EPB41L2: variants seen among roughly 807,000 people sequenced by gnomAD.
EPB41L2 encodes the protein band 4.1-like protein 2.
EPB41L2 carries 43 observed loss-of-function variants against 113.0 expected under a neutral mutation model. The ratio of observed to expected loss-of-function variants is 0.38; its 90% CI spans 0.30 to 0.49. The LOEUF (loss-of-function observed/expected upper bound fraction) is 0.49, where lower values mean the gene tolerates loss of function less well. EPB41L2 is among the 20% of genes least tolerant of loss of function. The pLI is 0.95. For synonymous variants in EPB41L2, 442 were observed against 436.7 expected (o/e 1.01, Z -0.15); for missense variants, 1,147 against 1,223.4 (o/e 0.94, Z 0.93).
chr6:131,003,621 G>C (rs893410134), intron 1 of EPB41L2, among the ~76,000 whole-genome samples: 1 of 152,096 alleles, frequency 6.6e-6, no homozygotes, highest in Non-Finnish European at 1.5e-5. Flanking sequence ...AACCTCTTGG[G>C]AGTGACTGAA....
intron 17 of EPB41L2, 91 bp from the exon 18 acceptor site, chr6:130,863,809 C>A: frequency 2.6e-6 from 2 of 778,162 alleles, no homozygotes. Context: ...TCCACCTAGA[C>A]CTGTGGATCA....
At chr6:131,023,036 TA>T (rs1205974134) in intron 1 of EPB41L2, among the ~76,000 whole-genome samples, 4 of 152,158 alleles carry the variant, frequency 2.6e-5, no homozygotes, top group African/African-American at 9.7e-5. Flanking sequence ...AATAAATTAG[TA>T]AAAAGTATTG....
chr6:130,958,471 A>AAAC (rs1562592343), intron 1 of EPB41L2, among the ~76,000 whole-genome samples: 1,452 of 90,316 alleles, frequency 0.016, 21 homozygotes, highest in African/African-American at 0.084. Context: ...ACAACAACAA[A>AAAC]AAAAAAAAAA....
chr6:130,887,304 C>A (rs1583085565), intron 11 of EPB41L2, among the ~76,000 whole-genome samples: 1 of 152,188 alleles, frequency 6.6e-6, no homozygotes, highest in East Asian at 1.9e-4. Context: ...GCTAATTGGC[C>A]TACTCCCACT....
chr6:130,872,567 G>A, intron 14 of EPB41L2: 2 of 1,283,226 alleles, frequency 1.6e-6, no homozygotes, highest in Non-Finnish European at 2.0e-6. Context: ...GAAGAGCAAA[G>A]AATTAGCAAT....
chr6:130,968,549 C>A (rs938972314), intron 1 of EPB41L2, among the ~76,000 whole-genome samples: 1 of 152,160 alleles, frequency 6.6e-6, no homozygotes, highest in African/African-American at 2.4e-5. Context: ...AATGACACTT[C>A]TAGCTTAAGC....
intron 1 of EPB41L2, among the ~76,000 whole-genome samples, chr6:131,038,849 T>C (rs761830373): frequency 6.6e-6 from 1 of 152,234 alleles, no homozygotes; most frequent in East Asian, 1.9e-4. Flanking sequence ...TGATAGTGAC[T>C]ACTGGGAGCA....
At chr6:130,879,992 T>C (rs957037282) in intron 13 of EPB41L2, 152 bp downstream of exon 13, 3 of 595,056 alleles carry the variant, frequency 5.0e-6, no homozygotes, top group South Asian at 4.4e-5. Context: ...AGGAACACCG[T>C]CAGGCTGGTA....
intron 2 of EPB41L2, 93 bp from the exon 3 acceptor site, chr6:130,955,410 C>A: frequency 8.2e-7 from 1 of 1,221,172 alleles, no homozygotes; most frequent in Non-Finnish European, 1.2e-6. Context: ...GAATTAGGAT[C>A]GTTACTTTAA....
At chr6:131,017,865 C>T (rs1788584847) in intron 1 of EPB41L2, among the ~76,000 whole-genome samples, 1 of 152,210 alleles carries the variant, frequency 6.6e-6, no homozygotes, top group Non-Finnish European at 1.5e-5. Context: ...TTTTAACTTA[C>T]ATTTGCCTAA....
intron 1 of EPB41L2, among the ~76,000 whole-genome samples, chr6:131,040,570 T>C (rs1166692133): frequency 6.6e-6 from 1 of 152,168 alleles, no homozygotes; most frequent in Non-Finnish European, 1.5e-5. Flanking sequence ...CAATGGATAC[T>C]AACACTATTA....
At chr6:131,038,212 G>A (rs1474055890) in intron 1 of EPB41L2, among the ~76,000 whole-genome samples, 1 of 151,990 alleles carries the variant, frequency 6.6e-6, no homozygotes, top group Non-Finnish European at 1.5e-5. Flanking sequence ...CCTATTCAAT[G>A]CCTTAAATCC....
At chr6:130,936,544 A>T (rs1401608084) in intron 3 of EPB41L2, among the ~76,000 whole-genome samples, 2 of 151,560 alleles carry the variant, frequency 1.3e-5, no homozygotes, top group East Asian at 3.9e-4. Context: ...TTGCAAATAT[A>T]TAAGTGGCAT....
intron 1 of EPB41L2, among the ~76,000 whole-genome samples, chr6:131,021,292 G>A (rs1002523744): frequency 2.6e-5 from 4 of 152,118 alleles, no homozygotes; most frequent in South Asian, 2.1e-4. Flanking sequence ...TATAGCAAAC[G>A]AGAATTAATG....
At chr6:130,884,985 G>A (rs1790480435) in intron 12 of EPB41L2, 111 bp downstream of exon 12, 2 of 1,235,590 alleles carry the variant, frequency 1.6e-6, no homozygotes, top group Non-Finnish European at 2.3e-6. Flanking sequence ...GACCAGCAGA[G>A]AACATAGAAC....
In EPB41L2 at chr6:131,059,114, C is replaced by CTTCTTTTTTTTTT. The variant is rs34376821; in HGVS notation, c.-15+4040_-15+4041insAAAAAAAAAAGAA. 3.0e-5 allele frequency among the ~76,000 whole-genome samples: 4 copies of CTTCTTTTTTTTTT among 131,376 alleles called. 2 individuals are homozygous for CTTCTTTTTTTTTT. Among genetic ancestry groups the CTTCTTTTTTTTTT allele is most frequent in the Non-Finnish European group, 3.2e-5 (2 of 62,924 alleles). 86.2% of individuals were successfully genotyped at this position (131,376 alleles called of 152,430 possible). A position where few individuals can be genotyped will look rare whatever the true frequency, so the allele number is the denominator to read the frequency against. The stretch of plus-strand genomic sequence containing the variant: ...TCTTTCCTTCTTGGCTTACCTATAA[C>CTTCTTTTTTTTTT]TTTTTTTTTTTTTTTTTTGAGATGG... On this transcript the variant is annotated intron_variant, in intron 1 of 19. Transcript: ENST00000337057.
intron 3 of EPB41L2, among the ~76,000 whole-genome samples, chr6:130,930,051 CA>C (rs1554281915): frequency 6.6e-6 from 1 of 152,028 alleles, no homozygotes; most frequent in Non-Finnish European, 1.5e-5. Flanking sequence ...CACTCATTCC[CA>C]AAAAGAGCAG....
chr6:130,861,868 T>C (rs1293000597), intron 18 of EPB41L2, among the ~76,000 whole-genome samples: 2 of 91,142 alleles, frequency 2.2e-5, no homozygotes, highest in African/African-American at 3.3e-5. Context: ...GGAGACTCCA[T>C]CTCCCCAAAA....
intron 3 of EPB41L2, among the ~76,000 whole-genome samples, chr6:130,935,255 C>T (rs946070494): frequency 6.6e-6 from 1 of 152,192 alleles, no homozygotes; most frequent in Non-Finnish European, 1.5e-5. Context: ...CCTAGTAAAG[C>T]TATAAGCACA....
Sources: allele counts gnomAD v4.1 joint callset (sites outside exome capture counted in the v4.1 genomes callset), GRCh38; gene constraint gnomAD v4.1.1; transcripts MANE v1.5; gene names NCBI Gene and HGNC (gene_info 2026-07-23, HGNC 2026-07-21).